HECW1: variants seen among roughly 807,000 people sequenced by gnomAD.
HECW1 encodes HECT, C2 and WW domain containing E3 ubiquitin protein ligase 1.
Under a neutral mutation model 182.3 loss-of-function variants are expected in HECW1, and 61 were observed. The ratio of observed to expected loss-of-function variants is 0.33; its 90% CI spans 0.27 to 0.41. The LOEUF is 0.41. Ranked by LOEUF, HECW1 falls within the 10% of genes least tolerant of loss-of-function variation. HECW1 has a pLI of 1.00. For missense variants in HECW1, 1,739 were observed against 2,108.9 expected (o/e 0.82, Z 3.44); for synonymous variants, 859 against 832.6 (o/e 1.03, Z -0.55).
chr7:43,200,074 C>A (rs1157035236), intron 2 of HECW1, among the ~76,000 whole-genome samples: 2 of 152,080 alleles, frequency 1.3e-5, no homozygotes, highest in Non-Finnish European at 2.9e-5. Flanking sequence ...TTTTAAGGTC[C>A]TATTATCTGA....
chr7:43,287,131 C>T (rs963568271), intron 3 of HECW1, among the ~76,000 whole-genome samples: 5 of 152,002 alleles, frequency 3.3e-5, no homozygotes, highest in Admixed American at 2.0e-4. Flanking sequence ...AATAAACTAA[C>T]GGAGTGTATG....
At chr7:43,412,587 A>C (rs1378949033) in intron 8 of HECW1, among the ~76,000 whole-genome samples, 2 of 138,424 alleles carry the variant, frequency 1.4e-5, no homozygotes, top group African/African-American at 2.6e-5. Context: ...ATATCTCCCA[A>C]TGCTATCCCT....
At chr7:43,320,813 T>C (rs916613378) in intron 5 of HECW1, 71 bp downstream of exon 5, 4 of 1,150,238 alleles carry the variant, frequency 3.5e-6, no homozygotes, top group Middle Eastern at 3.8e-4. Context: ...TCATTATTTG[T>C]TCCCGTTGCA....
rs972349416 is a variant in HECW1 at position 43,445,411 on chromosome 7, G to A, written c.2239G>A (p.Glu747Lys). ...DDEEEENSAF[E>K]SVPDSMQSPE... is the part of the protein sequence containing the mutation. ...CGAGGAGGAGGAGAACAGCGCGTTC[G>A]AGTCGGTACCCGACTCCATGCAGAG... Residue 747 changes from glutamate to lysine, a missense_variant, in exon 11 of 30, where the codon GAG (glutamate) becomes AAG (lysine). This residue lies in a region of HECW1 where 971 missense variants were observed against 1,029.1 expected (regional missense o/e 0.94). Coordinates refer to ENST00000395891, the MANE Select transcript of HECW1 (RefSeq NM_015052.5). 9 of 1,613,404 alleles carry A rather than the reference G, an allele frequency of 5.6e-6. No individual in the cohort carries two copies. Among genetic ancestry groups the A allele is most frequent in the South Asian group, 1.1e-5 (1 of 91,086 alleles).
At chr7:43,263,545 G>C (rs768732262) in intron 3 of HECW1, among the ~76,000 whole-genome samples, 33 of 152,154 alleles carry the variant, frequency 2.2e-4, no homozygotes, top group Non-Finnish European at 3.2e-4. Context: ...ATTTTCAGTA[G>C]AGACAGGGTT....
intron 2 of HECW1, among the ~76,000 whole-genome samples, chr7:43,193,621 A>G (rs1180529249): frequency 1.3e-5 from 2 of 152,052 alleles, no homozygotes; most frequent in Non-Finnish European, 2.9e-5. Context: ...ACCTCAAGTG[A>G]TCCACCCGAC....
intron 5 of HECW1, among the ~76,000 whole-genome samples, chr7:43,345,819 C>CACATCATATATATAT (rs1813607402): frequency 2.0e-5 from 3 of 151,052 alleles, no homozygotes; most frequent in African/African-American, 7.3e-5. Context: ...CACACACACA[C>CACATCATATATATAT]ACACACACAT....
intron 2 of HECW1, among the ~76,000 whole-genome samples, chr7:43,135,102 A>G (rs533451924): frequency 3.7e-4 from 57 of 152,226 alleles, no homozygotes; most frequent in Admixed American, 9.8e-4. Flanking sequence ...ATAGGCTGTT[A>G]TCTATCTACC....
At chr7:43,320,539 A>G in intron 4 of HECW1, 96 bp from the exon 5 acceptor site, 1 of 828,366 alleles carries the variant, frequency 1.2e-6, no homozygotes, top group South Asian at 1.6e-5. Context: ...GTTGAGATGG[A>G]AGCAGCATTT....
intron 12 of HECW1, among the ~76,000 whole-genome samples, chr7:43,454,403 A>C (rs1209163471): frequency 6.6e-6 from 1 of 152,226 alleles, no homozygotes; most frequent in Non-Finnish European, 1.5e-5. Context: ...GGATCCATTA[A>C]AATTTTTAAG....
chr7:43,269,627 A>G (rs1434612823), intron 3 of HECW1, among the ~76,000 whole-genome samples: 1 of 152,224 alleles, frequency 6.6e-6, no homozygotes, highest in African/African-American at 2.4e-5. Context: ...AAGACCATCC[A>G]TCTGGGAATA....
At chr7:43,380,748 CA>C (rs1337032577) in intron 6 of HECW1, among the ~76,000 whole-genome samples, 13 of 152,066 alleles carry the variant, frequency 8.5e-5, no homozygotes, top group African/African-American at 3.1e-4. Context: ...AGGTTGATCT[CA>C]AACTCCTGAC....
chr7:43,217,437 G>T (rs1796543590), intron 2 of HECW1, among the ~76,000 whole-genome samples: 1 of 152,212 alleles, frequency 6.6e-6, no homozygotes, highest in Non-Finnish European at 1.5e-5. Context: ...ACTAGGGTAG[G>T]TGTTGGATTA....
intron 6 of HECW1, among the ~76,000 whole-genome samples, chr7:43,371,116 T>C (rs941501154): frequency 6.6e-6 from 1 of 152,144 alleles, no homozygotes; most frequent in Non-Finnish European, 1.5e-5. Flanking sequence ...CTCGATCTCC[T>C]GACCTTGTGA....
intron 8 of HECW1, among the ~76,000 whole-genome samples, chr7:43,429,630 A>G (rs1482014262): frequency 6.6e-6 from 1 of 152,176 alleles, no homozygotes; most frequent in Non-Finnish European, 1.5e-5. Context: ...GACTAGTGCC[A>G]CCTGAACTGA....
Position 43,243,830 on chromosome 7 carries a change from T to C in HECW1, c.-31-45T>C. 1 of 1,442,470 alleles carries C rather than the reference T, an allele frequency of 6.9e-7. No homozygotes were observed. The highest frequency in any genetic ancestry group is 2.3e-5 in the East Asian group (1 of 44,124). 89.4% of individuals were successfully genotyped at this position (1,442,470 alleles called of 1,614,324 possible). A position where few individuals can be genotyped will look rare whatever the true frequency, so the allele number is the denominator to read the frequency against. ...TGTGGGTAATGTTGCTGATTTTGTT[T>C]GCTTGGGATACACGCTAAGTTAACC... On this transcript the variant is annotated intron_variant, in intron 2 of 29. Coordinates refer to ENST00000395891, the MANE Select transcript of HECW1 (RefSeq NM_015052.5). The surrounding 1 kb of genome is among the most constrained non-coding windows in gnomAD (Gnocchi z 4.0).
chr7:43,171,873 T>C (rs1421431824), intron 2 of HECW1, among the ~76,000 whole-genome samples: 1 of 152,144 alleles, frequency 6.6e-6, no homozygotes, highest in Non-Finnish European at 1.5e-5. Flanking sequence ...TTGAGATTAG[T>C]TTAATGTTAC....
chr7:43,226,930 C>T (rs1029608656), intron 2 of HECW1, among the ~76,000 whole-genome samples: 2 of 152,210 alleles, frequency 1.3e-5, no homozygotes, highest in African/African-American at 2.4e-5. Flanking sequence ...CCAAAATCTA[C>T]GCACTACATT....
chr7:43,207,135 C>T (rs781401026), intron 2 of HECW1, among the ~76,000 whole-genome samples: 20 of 152,304 alleles, frequency 1.3e-4, no homozygotes, highest in Non-Finnish European at 2.5e-4. Context: ...CAACCTCCGT[C>T]TCCTGGGTTC....
Sources: allele counts gnomAD v4.1 joint callset (sites outside exome capture counted in the v4.1 genomes callset), GRCh38; gene constraint gnomAD v4.1.1; regional missense constraint gnomAD v4.1.1; non-coding constraint Gnocchi (gnomAD v3.1); transcripts MANE v1.5; gene names NCBI Gene and HGNC (gene_info 2026-07-23, HGNC 2026-07-21).